MGAT4C: variants seen among roughly 807,000 people sequenced by gnomAD.
The protein encoded by MGAT4C is MGAT4 family member C.
Under a neutral mutation model 40.1 loss-of-function variants are expected in MGAT4C, and 19 were observed. The ratio of observed to expected loss-of-function variants is 0.47; its 90% CI spans 0.33 to 0.70. MGAT4C has a LOEUF of 0.70. MGAT4C is among the 30% of genes least tolerant of loss of function. The pLI is 0.02. For synonymous variants in MGAT4C, 181 were observed against 187.1 expected (o/e 0.97, Z 0.27); for missense variants, 491 against 563.2 (o/e 0.87, Z 1.30).
intron 2 of MGAT4C, among the ~76,000 whole-genome samples, chr12:86,700,129 G>GTAGA (rs1249426957): frequency 3.4e-5 from 5 of 146,032 alleles, no homozygotes; most frequent in African/African-American, 1.3e-4. Flanking sequence ...GATAGATAAT[G>GTAGA]TAGATAGATA....
chr12:86,150,255 T>C (rs1030545754), intron 1 of MGAT4C, among the ~76,000 whole-genome samples: 2 of 152,176 alleles, frequency 1.3e-5, no homozygotes, highest in Non-Finnish European at 2.9e-5. Flanking sequence ...CACCTCTGTC[T>C]GTGTGGCCTC....
Position 85,968,254 on chromosome 12 carries a change from G to A in MGAT4C, c.*11035C>T, listed in dbSNP as rs994842887. On this transcript the variant is annotated 3_prime_UTR_variant, in exon 5 of 5. Transcript: ENST00000611864. Reference sequence around the variant, plus strand: ...TTTGTGGAAAGAGGAAGGCAGCTCAGTTTACAAACAGCAGTGGGTTGAAGG... The same window carrying A: ...TTTGTGGAAAGAGGAAGGCAGCTCAATTTACAAACAGCAGTGGGTTGAAGG... The A allele has an allele frequency of 1.3e-5, 2 of 151,996 alleles. No individual in the cohort carries two copies. Among genetic ancestry groups the A allele is most frequent in the Non-Finnish European group, 2.9e-5 (2 of 67,924 alleles). 9.4% of individuals were successfully genotyped at this position (151,996 alleles called of 1,614,324 possible).
chr12:86,011,876 A>G (rs1760241260), intron 2 of MGAT4C: 1 of 984,506 alleles, frequency 1.0e-6, no homozygotes. Context: ...CCCTGATAAT[A>G]TAAACTTCCA....
At chr12:86,533,007 A>G (rs1050891683) in intron 2 of MGAT4C, among the ~76,000 whole-genome samples, 2 of 152,038 alleles carry the variant, frequency 1.3e-5, no homozygotes, top group Non-Finnish European at 2.9e-5. Context: ...TTTGAAAAAA[A>G]TTGTTATTTT....
At chr12:86,176,477 T>C (rs1887445260) in intron 1 of MGAT4C, among the ~76,000 whole-genome samples, 1 of 152,148 alleles carries the variant, frequency 6.6e-6, no homozygotes, top group Non-Finnish European at 1.5e-5. Flanking sequence ...ATTTTTTCTG[T>C]TTTGCATACA....
chr12:86,498,856 AT>A (rs1363907856), intron 2 of MGAT4C, among the ~76,000 whole-genome samples: 1 of 151,942 alleles, frequency 6.6e-6, no homozygotes, highest in Non-Finnish European at 1.5e-5. Flanking sequence ...GAATAACATC[AT>A]GGGACGTATA....
intron 3 of MGAT4C, among the ~76,000 whole-genome samples, chr12:86,402,475 C>G (rs937397592): frequency 6.6e-6 from 1 of 151,880 alleles, no homozygotes; most frequent in African/African-American, 2.4e-5. Context: ...ACAAATTGTT[C>G]CTCCTCCATA....
At chr12:86,440,866 C>CT (rs934607240) in intron 2 of MGAT4C, among the ~76,000 whole-genome samples, 3 of 151,920 alleles carry the variant, frequency 2.0e-5, no homozygotes, top group Non-Finnish European at 2.9e-5. Flanking sequence ...AACTCAATCC[C>CT]TTTTACAATA....
chr12:86,099,801 G>C (rs1394148981), intron 1 of MGAT4C, among the ~76,000 whole-genome samples: 1 of 151,234 alleles, frequency 6.6e-6, no homozygotes, highest in African/African-American at 2.4e-5. Context: ...TGCATTTTTT[G>C]TGGCATGAAA....
chr12:86,511,222 A>T lies in MGAT4C; in HGVS notation c.-228-75957T>A, dbSNP rs1202719985. Among the ~76,000 whole-genome samples the T allele has an allele frequency of 2.0e-5, 3 of 152,132 alleles. No homozygotes were observed. In the East Asian group the frequency reaches 5.8e-4, roughly 29 times the overall value. On this transcript the variant is annotated intron_variant, in intron 2 of 7. Transcript: ENST00000548651. Reference sequence around the variant, plus strand: ...CCGCTCAACTACATGGAAACTGAACAACCTGCTCCTGAATGACTACTGGGT... The same window carrying T: ...CCGCTCAACTACATGGAAACTGAACTACCTGCTCCTGAATGACTACTGGGT...
At chr12:86,137,207 C>A (rs1040503989) in intron 1 of MGAT4C, among the ~76,000 whole-genome samples, 3 of 152,124 alleles carry the variant, frequency 2.0e-5, no homozygotes, top group African/African-American at 7.2e-5. Flanking sequence ...CATATAGAAA[C>A]CTACAGCCAT....
At chr12:86,585,953 A>ATC (rs1565866499) in intron 2 of MGAT4C, among the ~76,000 whole-genome samples, 41 of 150,504 alleles carry the variant, frequency 2.7e-4, no homozygotes, top group Non-Finnish European at 4.9e-4. Flanking sequence ...CCCTTTTTTT[A>ATC]ATTATTATTA....
chr12:86,683,814 G>T (rs1565923482), intron 2 of MGAT4C, among the ~76,000 whole-genome samples: 1 of 152,016 alleles, frequency 6.6e-6, no homozygotes, highest in Non-Finnish European at 1.5e-5. Flanking sequence ...CAAGAACTCA[G>T]CACCAGTAAC....
intron 2 of MGAT4C, among the ~76,000 whole-genome samples, chr12:86,436,965 T>C (rs1008210505): frequency 4.0e-5 from 6 of 151,802 alleles, no homozygotes; most frequent in African/African-American, 1.2e-4. Context: ...TCTGAGGTTA[T>C]GGGAGTGAAT....
At chr12:86,436,843 T>G (rs1353551574) in intron 2 of MGAT4C, among the ~76,000 whole-genome samples, 1 of 151,794 alleles carries the variant, frequency 6.6e-6, no homozygotes, top group Admixed American at 6.6e-5. Flanking sequence ...TTTTGGAAAT[T>G]ATTTGCAAAT....
At chr12:86,337,809 A>T (rs985456924) in intron 3 of MGAT4C, among the ~76,000 whole-genome samples, 1 of 152,176 alleles carries the variant, frequency 6.6e-6, no homozygotes, top group Non-Finnish European at 1.5e-5. Flanking sequence ...GAATGTAATT[A>T]TTAATAGCAG....
intron 3 of MGAT4C, among the ~76,000 whole-genome samples, chr12:86,377,437 A>G (rs921818796): frequency 2.2e-4 from 34 of 152,196 alleles, no homozygotes; most frequent in African/African-American, 8.0e-4. Flanking sequence ...CAACAGTGAT[A>G]GCAAGTAGTC....
intron 4 of MGAT4C, among the ~76,000 whole-genome samples, chr12:86,328,054 A>C (rs539660584): frequency 6.6e-6 from 1 of 152,256 alleles, no homozygotes; most frequent in African/African-American, 2.4e-5. Flanking sequence ...GTGTCATTTT[A>C]TTGGAGCTCA....
intron 2 of MGAT4C, among the ~76,000 whole-genome samples, chr12:86,505,121 G>A (rs1415598096): frequency 6.6e-6 from 1 of 152,018 alleles, no homozygotes; most frequent in African/African-American, 2.4e-5. Context: ...GGTTAAAAAT[G>A]GGATTTAAAG....
Sources: gnomAD v4.1 joint callset for allele counts (sites outside exome capture counted in the v4.1 genomes callset) on GRCh38, gnomAD v4.1.1 for gene constraint, MANE v1.5 for transcripts, NCBI Gene and HGNC (gene_info 2026-07-23, HGNC 2026-07-21) for gene names.